RANBP3: variants seen among roughly 807,000 people sequenced by gnomAD.
The protein encoded by RANBP3 is RAN binding protein 3.
A neutral mutation model predicts 77.3 loss-of-function variants in RANBP3; 14 were observed. The ratio of observed to expected loss-of-function variants is 0.18; its 90% CI spans 0.12 to 0.28. The LOEUF is 0.28. Among genes scored for constraint, RANBP3 ranks in the 10% least tolerant of loss-of-function variants. RANBP3 has a pLI of 1.00. For missense variants in RANBP3, 586 were observed against 752.3 expected (o/e 0.78, Z 2.59); for synonymous variants, 315 against 312.4 (o/e 1.01, Z -0.09).
chr19:5,961,402 T>A (rs1056907844), intron 1 of RANBP3, among the ~76,000 whole-genome samples: 1 of 138,478 alleles, frequency 7.2e-6, no homozygotes, highest in Non-Finnish European at 1.5e-5. Flanking sequence ...CAGAGCGAGA[T>A]TCCATCTCAA....
chr19:5,918,347 C>T (rs770471286), intron 15 of RANBP3, 149 bp downstream of exon 15: 297 of 855,034 alleles, frequency 3.5e-4, no homozygotes, highest in Non-Finnish European at 4.7e-4. Flanking sequence ...CTGGGACTGG[C>T]GGGTCCCATA....
chr19:5,953,739 C>T (rs544498379), intron 2 of RANBP3, among the ~76,000 whole-genome samples: 146 of 152,270 alleles, frequency 9.6e-4, no homozygotes, highest in African/African-American at 3.4e-3. Context: ...ATTTTTGCCC[C>T]GGAAACAATG....
intron 1 of RANBP3, among the ~76,000 whole-genome samples, chr19:5,968,536 C>G (rs553912722): frequency 6.6e-6 from 1 of 152,332 alleles, no homozygotes; most frequent in South Asian, 2.1e-4. Flanking sequence ...CATATTGATG[C>G]CACCTTAAAG....
chr19:5,941,953 C>T (rs2058143289), intron 3 of RANBP3, 118 bp from the exon 4 acceptor site: 3 of 1,160,636 alleles, frequency 2.6e-6, no homozygotes, highest in Admixed American at 3.8e-5. Flanking sequence ...TCCCAGAGCC[C>T]AGCACCCGAA....
At position 5,958,697 on chromosome 19, in the gene RANBP3, C is replaced by T. The variant is rs908267970; in HGVS notation, c.23-724G>A. ...GGTGGCAGCCCAGGAGGCCCTGCTG[C>T]CCGCACAGGAAGCACAGATGAGGAC... On this transcript the variant is annotated intron_variant, in intron 1 of 16. Transcript: ENST00000340578. This position sits in a 1 kb window ranked among gnomAD's most constrained non-coding sequence, Gnocchi z 4.4. 6.6e-6 allele frequency among the ~76,000 whole-genome samples: 1 copy of T among 152,248 alleles called. No individual in the cohort carries two copies. The highest frequency in any genetic ancestry group is 6.5e-5 in the Admixed American group (1 of 15,290).
At chr19:5,967,420 C>T (rs930823053) in intron 1 of RANBP3, among the ~76,000 whole-genome samples, 5 of 152,238 alleles carry the variant, frequency 3.3e-5, no homozygotes, top group African/African-American at 1.2e-4. Flanking sequence ...ACTTACACTT[C>T]CAACAAGCAT....
At chr19:5,928,576 CGTGTGTGTG>C (rs1480355911) in intron 8 of RANBP3, 1 of 152,900 alleles carries the variant, frequency 6.5e-6, no homozygotes. Flanking sequence ...AATCCAGTCC[CGTGTGTGTG>C]GTGTGTGTGT....
intron 10 of RANBP3, 89 bp downstream of exon 10, chr19:5,925,545 C>T (rs1221613511): frequency 1.7e-6 from 2 of 1,144,772 alleles, no homozygotes; most frequent in African/African-American, 1.5e-5. Flanking sequence ...CTGAGTCGGG[C>T]ACGGGGACCA....
chr19:5,919,737 T>TA (rs1277841221), intron 14 of RANBP3, among the ~76,000 whole-genome samples: 2 of 151,818 alleles, frequency 1.3e-5, no homozygotes, highest in East Asian at 1.9e-4. Flanking sequence ...TGTCTCTACT[T>TA]AAAGTATAAA....
chr19:5,924,767 A>T lies in RANBP3; in HGVS notation c.996+60T>A. On this transcript the variant is annotated intron_variant, in intron 11 of 16. Transcript: ENST00000340578. The surrounding 1 kb of genome is among the most constrained non-coding windows in gnomAD (Gnocchi z 4.7). ...CAGCCCTGCTCTCCATGTCCCCTTG[A>T]CCTGTGGCTGGCGCCGAGAGCCTCT... The T allele has an allele frequency of 6.6e-7, 1 of 1,515,086 alleles. No individual in the cohort carries two copies. 93.9% of individuals were successfully genotyped at this position (1,515,086 alleles called of 1,614,324 possible). A position where few individuals can be genotyped will look rare whatever the true frequency, so the allele number is the denominator to read the frequency against.
intron 8 of RANBP3, 148 bp downstream of exon 8, chr19:5,931,256 G>C (rs1277615327): frequency 1.2e-6 from 1 of 854,258 alleles, no homozygotes; most frequent in East Asian, 3.0e-5. Flanking sequence ...AGCCTACTGA[G>C]CAAATCCAGA....
chr19:5,931,472 C>T lies in RANBP3; in HGVS notation c.625G>A (p.Ala209Thr), dbSNP rs192303973. Residue 209 changes from alanine (A) to threonine (T), a missense_variant, in exon 8 of 17, where the codon GCA (alanine) becomes ACA (threonine). Transcript: ENST00000340578. ...LPADCTGAVPAASPDTAAWRS... is the reference protein window; with the variant it reads ...LPADCTGAVPTASPDTAAWRS... The stretch of plus-strand genomic sequence containing the variant: ...CATGCAGCAGTGTCAGGGGATGCTG[C>T]GGGCACTGCCCCCGTGCAGTCTGCT... 243 of 1,612,730 alleles carry T rather than the reference C, an allele frequency of 1.5e-4. No homozygotes were observed. Among genetic ancestry groups the T allele is most frequent in the Non-Finnish European group, 1.9e-4 (226 of 1,179,502 alleles).
chr19:5,969,013 G>A (rs2058500314), intron 1 of RANBP3, among the ~76,000 whole-genome samples: 1 of 152,218 alleles, frequency 6.6e-6, no homozygotes, highest in South Asian at 2.1e-4. Flanking sequence ...TGAAGGGTGA[G>A]CAGGGATGAG....
At chr19:5,937,267 C>T (rs1279606932) in intron 5 of RANBP3, among the ~76,000 whole-genome samples, 1 of 152,000 alleles carries the variant, frequency 6.6e-6, no homozygotes, top group Non-Finnish European at 1.5e-5. Flanking sequence ...TGGCAGACAG[C>T]ACCCTGATCG....
Position 5,919,608 on chromosome 19 carries a change from C to T in RANBP3, c.1331-970G>A, listed in dbSNP as rs538239080. On this transcript the variant is annotated intron_variant, in intron 14 of 16. Coordinates refer to ENST00000340578, the MANE Select transcript of RANBP3 (RefSeq NM_007322.3). ...AGACAAAAGGAAAAACACAAGAAGA[C>T]GTCCATAAGGCTGGGCACAGTGGCT... Among the ~76,000 whole-genome samples the T allele has an allele frequency of 8.5e-5, 13 of 152,258 alleles. No homozygotes were observed. The East Asian group carries it at 1.9e-3, about 23-fold the overall frequency.
intron 1 of RANBP3, among the ~76,000 whole-genome samples, chr19:5,966,844 C>T (rs2058473418): frequency 6.6e-6 from 1 of 152,232 alleles, no homozygotes; most frequent in African/African-American, 2.4e-5. Flanking sequence ...CAGCAAGGTA[C>T]TTGCATAAAA....
intron 5 of RANBP3, among the ~76,000 whole-genome samples, chr19:5,937,722 C>CT (rs2145119427): frequency 6.6e-6 from 1 of 152,300 alleles, no homozygotes; most frequent in African/African-American, 2.4e-5. Context: ...CGTGAGGGCA[C>CT]TGGGGCTTTA....
At chr19:5,948,502 G>A (rs577486769) in intron 3 of RANBP3, among the ~76,000 whole-genome samples, 217 of 152,026 alleles carry the variant, frequency 1.4e-3, no homozygotes, top group Middle Eastern at 6.8e-3. Context: ...GCAACCAAGC[G>A]GTGTACCAGG....
At chr19:5,920,549 A>G (rs576341130) in intron 14 of RANBP3, among the ~76,000 whole-genome samples, 2 of 152,056 alleles carry the variant, frequency 1.3e-5, no homozygotes, top group African/African-American at 2.4e-5. Flanking sequence ...CAAAAACAGT[A>G]TATTTTATTT....
Sources: gnomAD v4.1 joint callset for allele counts (sites outside exome capture counted in the v4.1 genomes callset) on GRCh38, gnomAD v4.1.1 for gene constraint, Gnocchi (gnomAD v3.1) non-coding constraint, MANE v1.5 for transcripts, NCBI Gene and HGNC (gene_info 2026-07-23, HGNC 2026-07-21) for gene names.